The following SCLT1 variants were observed in gnomAD, a reference collection of about 807,000 sequenced individuals.
SCLT1 encodes sodium channel and clathrin linker 1, also known as sodium channel-associated protein 1.
SCLT1 carries 78 observed loss-of-function variants against 112.8 expected under a neutral mutation model. The ratio of observed to expected loss-of-function variants is 0.69; its 90% CI spans 0.58 to 0.83. The LOEUF is 0.83. Ranked by LOEUF, SCLT1 falls within the 40% of genes least tolerant of loss-of-function variation. SCLT1 has a pLI of 0.00. For missense variants in SCLT1, 747 were observed against 770.4 expected, an observed-to-expected ratio of 0.97 and a Z score of 0.36; for synonymous variants, 257 against 254.7, an observed-to-expected ratio of 1.01 and a Z score of -0.09.
intron 11 of SCLT1, among the ~76,000 whole-genome samples, chr4:128,962,481 T>A (rs1021577053): frequency 1.3e-5 from 2 of 152,186 alleles, no homozygotes; most frequent in African/African-American, 4.8e-5. Flanking sequence ...TGGCTTTTGT[T>A]CTTCCTTTAT....
chr4:129,002,622 A>T (rs1579656145), intron 6 of SCLT1, among the ~76,000 whole-genome samples: 1 of 152,312 alleles, frequency 6.6e-6, no homozygotes, highest in East Asian at 1.9e-4. Flanking sequence ...AAGTGGGCAA[A>T]GGAAATGAAC....
chr4:128,939,444 C>T (rs2125985171), intron 17 of SCLT1, among the ~76,000 whole-genome samples: 1 of 152,216 alleles, frequency 6.6e-6, no homozygotes, highest in South Asian at 2.1e-4. Context: ...TGCTGACAGG[C>T]TAAGGGCCAC....
chr4:128,954,922 T>TGGA (rs1739095023), intron 13 of SCLT1, among the ~76,000 whole-genome samples: 1 of 152,222 alleles, frequency 6.6e-6, no homozygotes, highest in Non-Finnish European at 1.5e-5. Flanking sequence ...TCTCACATAA[T>TGGA]TTCTAAAATG....
intron 5 of SCLT1, among the ~76,000 whole-genome samples, chr4:129,010,872 G>A (rs569617044): frequency 1.3e-5 from 2 of 152,246 alleles, no homozygotes; most frequent in Non-Finnish European, 1.5e-5. Context: ...CTGCAAATAC[G>A]GATAGTTTGA....
chr4:129,033,395 G>T (rs951070587), intron 5 of SCLT1, among the ~76,000 whole-genome samples: 1 of 150,512 alleles, frequency 6.6e-6, no homozygotes, highest in Non-Finnish European at 1.5e-5. Context: ...ATGCATGCGG[G>T]GCTTAAAACC....
chr4:129,052,148 A>G (rs1402725059), intron 2 of SCLT1, among the ~76,000 whole-genome samples: 1 of 152,112 alleles, frequency 6.6e-6, no homozygotes, highest in Admixed American at 6.6e-5. Flanking sequence ...GAGGAATTTC[A>G]CATTGATGTT....
chr4:129,048,886 T>C (rs1392599646), intron 2 of SCLT1, among the ~76,000 whole-genome samples: 3 of 152,046 alleles, frequency 2.0e-5, no homozygotes, highest in Admixed American at 6.6e-5. Flanking sequence ...AAAATGCTCA[T>C]CATCACTGGC....
chr4:129,026,199 C>T (rs1224417699), intron 5 of SCLT1, among the ~76,000 whole-genome samples: 1 of 151,976 alleles, frequency 6.6e-6, no homozygotes, highest in African/African-American at 2.4e-5. Context: ...ACCAAGCAGA[C>T]CTAATAGACA....
At chr4:129,009,700 C>T (rs1744351010) in intron 5 of SCLT1, among the ~76,000 whole-genome samples, 4 of 152,076 alleles carry the variant, frequency 2.6e-5, no homozygotes, top group Admixed American at 2.6e-4. Context: ...TTTTGATTTG[C>T]ATTTCTCTAA....
At chr4:128,945,297 G>T (rs7682145) in intron 16 of SCLT1, among the ~76,000 whole-genome samples, 115,895 of 152,050 alleles carry the variant, frequency 0.76, 44,642 homozygotes, top group African/African-American at 0.87. Context: ...TGTGTGATAC[G>T]TCTCTTAGTA....
At chr4:129,023,118 A>G (rs543360850) in intron 5 of SCLT1, among the ~76,000 whole-genome samples, 119 of 152,336 alleles carry the variant, frequency 7.8e-4, no homozygotes, top group Non-Finnish European at 1.4e-3. Flanking sequence ...TCACCACCAC[A>G]TCTGTCTTCC....
At chr4:128,932,949 A>G (rs1162229954) in intron 18 of SCLT1, among the ~76,000 whole-genome samples, 2 of 152,230 alleles carry the variant, frequency 1.3e-5, no homozygotes, top group African/African-American at 4.8e-5. Flanking sequence ...GAAATTTAAG[A>G]AGGCACAAAT....
intron 11 of SCLT1, 67 bp downstream of exon 11, chr4:128,965,160 A>T: frequency 1.3e-6 from 1 of 798,348 alleles, no homozygotes; most frequent in South Asian, 1.6e-5. Context: ...AATATCACAC[A>T]CTGAAACTCT....
chr4:129,033,501 G>GAAAAAA (rs1746919195), intron 5 of SCLT1, among the ~76,000 whole-genome samples: 1 of 6,170 alleles, frequency 1.6e-4, no homozygotes, highest in Non-Finnish European at 3.9e-4. Flanking sequence ...AGAACTTAAA[G>GAAAAAA]TAAAAAAAAA....
intron 9 of SCLT1, among the ~76,000 whole-genome samples, chr4:128,986,961 C>T (rs1348428015): frequency 1.3e-5 from 2 of 152,162 alleles, no homozygotes; most frequent in Non-Finnish European, 2.9e-5. Flanking sequence ...GAGACTCCTT[C>T]TGACTGGGGA....
At chr4:129,072,279 G>A (rs897280662) in intron 2 of SCLT1, among the ~76,000 whole-genome samples, 1 of 152,100 alleles carries the variant, frequency 6.6e-6, no homozygotes, top group African/African-American at 2.4e-5. Context: ...TGATGACAAT[G>A]TCCTAGGCAA....
intron 8 of SCLT1, among the ~76,000 whole-genome samples, chr4:128,996,082 T>C (rs1386666692): frequency 6.6e-6 from 1 of 151,922 alleles, no homozygotes; most frequent in Admixed American, 6.6e-5. Flanking sequence ...TTCCCTCCCC[T>C]GGGTGAAGCT....
intron 17 of SCLT1, among the ~76,000 whole-genome samples, chr4:128,939,381 C>A (rs1036971413): frequency 2.6e-5 from 4 of 152,118 alleles, no homozygotes; most frequent in African/African-American, 9.7e-5. Context: ...AGCACCATAG[C>A]CTTTAGTATA....
chr4:129,029,106 G>T (rs1025927848), intron 5 of SCLT1, among the ~76,000 whole-genome samples: 1 of 152,152 alleles, frequency 6.6e-6, no homozygotes, highest in East Asian at 1.9e-4. Context: ...AACCCTTGTG[G>T]AAGTAAGTGT....
Sources: allele counts gnomAD v4.1 joint callset (sites outside exome capture counted in the v4.1 genomes callset), GRCh38; gene constraint gnomAD v4.1.1; transcripts MANE v1.5; gene names NCBI Gene and HGNC (gene_info 2026-07-23, HGNC 2026-07-21).